LGR6: variants seen among roughly 807,000 people sequenced by gnomAD.
LGR6 encodes the protein leucine-rich repeat-containing G protein-coupled receptor 6.
In LGR6, 45 loss-of-function variants were observed where a neutral mutation model predicts 69.4. The ratio of observed to expected loss-of-function variants is 0.65; its 90% CI spans 0.51 to 0.83. The LOEUF (loss-of-function observed/expected upper bound fraction) is 0.83, where lower values mean the gene tolerates loss of function less well. LGR6 is among the 40% of genes least tolerant of loss of function. The pLI, the probability that LGR6 is intolerant of heterozygous loss-of-function variation, is 0.00. For synonymous variants in LGR6, 538 were observed against 555.0 expected, an observed-to-expected ratio of 0.97 and a Z score of 0.43; for missense variants, 1,108 against 1,246.7, an observed-to-expected ratio of 0.89 and a Z score of 1.68.
chr1:202,302,599 T>C (rs1223160062), intron 9 of LGR6, among the ~76,000 whole-genome samples: 1 of 152,036 alleles, frequency 6.6e-6, no homozygotes, highest in Non-Finnish European at 1.5e-5. Flanking sequence ...CAGGCTGGAG[T>C]GCAATAGCGC....
intron 1 of LGR6, among the ~76,000 whole-genome samples, chr1:202,204,329 A>AACACACACACCTCCAC (rs1398607537): frequency 5.6e-5 from 6 of 107,142 alleles, no homozygotes; most frequent in Admixed American, 1.0e-4. Context: ...ACCTCCTCCT[A>AACACACACACCTCCAC]ACACACACAC....
At chr1:202,217,278 T>C (rs1457870479) in intron 1 of LGR6, among the ~76,000 whole-genome samples, 2 of 152,158 alleles carry the variant, frequency 1.3e-5, no homozygotes, top group African/African-American at 2.4e-5. Flanking sequence ...AAACCATGAT[T>C]TCCCAAATCT....
chr1:202,225,471 C>T lies in LGR6; in HGVS notation c.261C>T (p.His87=), dbSNP rs1416725601. Residue 87 remains histidine, a synonymous_variant, in exon 2 of 18, where the codon CAC becomes CAT. Coordinates refer to ENST00000367278, the MANE Select transcript of LGR6 (RefSeq NM_001017403.2). ...CAGAGCTTCAGCCTGGCCTCTTCCACCACCTGCGCTTCTTGGAGGAGCTGT... is the reference window on the plus strand; with the variant it reads ...CAGAGCTTCAGCCTGGCCTCTTCCATCACCTGCGCTTCTTGGAGGAGCTGT... ...NLTELQPGLF[H]HLRFLEELRL... 3 of 1,614,022 alleles carry T rather than the reference C, an allele frequency of 1.9e-6. No homozygotes were observed. The highest frequency in any genetic ancestry group is 2.5e-6 in the Non-Finnish European group (3 of 1,179,920).
intron 1 of LGR6, chr1:202,194,488 CCT>C: frequency 1.0e-5 from 7 of 670,992 alleles, no homozygotes; most frequent in South Asian, 9.1e-5. Flanking sequence ...GGTTCTGGAC[CCT>C]GAGCGGGAGG....
intron 6 of LGR6, among the ~76,000 whole-genome samples, chr1:202,291,856 A>G (rs1025023452): frequency 2.6e-5 from 4 of 152,210 alleles, no homozygotes; most frequent in African/African-American, 7.2e-5. Context: ...AGTAATTACT[A>G]TTATCCTCTA....
chr1:202,238,024 T>C (rs1267431093), intron 4 of LGR6, among the ~76,000 whole-genome samples: 3 of 152,012 alleles, frequency 2.0e-5, no homozygotes, highest in Non-Finnish European at 2.9e-5. Context: ...TAATGTATGA[T>C]GATGTTATTG....
In LGR6 at chr1:202,305,683, G is replaced by A. The variant is rs1270782136; in HGVS notation, c.1071-1G>A. 6 of 1,613,658 alleles carry A rather than the reference G, an allele frequency of 3.7e-6. No individual in the cohort carries two copies. The highest frequency in any genetic ancestry group is 4.2e-6 in the Non-Finnish European group (5 of 1,179,948). On this transcript the variant is annotated splice_acceptor_variant, in intron 11 of 17. Transcript: ENST00000367278. LOFTEE classifies it high-confidence loss of function. The stretch of plus-strand genomic sequence containing the variant: ...AGCCCTGGCCTTTCTCTTTTCCCCA[G>A]GGAACTGTCTCACAATCAAATTGAG...
rs775057989 is a variant in LGR6, at chr1:202,304,627, T to C, written c.1067T>C (p.Val356Ala). The C allele has an allele frequency of 1.2e-6, 2 of 1,607,464 alleles. No individual in the cohort carries two copies. The highest frequency in any genetic ancestry group is 1.7e-6 in the Non-Finnish European group (2 of 1,175,184). The change falls in exon 11 of 18, where the codon GTC (valine) becomes GCC (alanine). Residue 356 changes from valine (V) to alanine (A), a missense_variant. Transcript: ENST00000367278. ...TGCCAACAGCTGCCCAGGCTCCGAGTCCTGTGAGTGCTCACAAGAATTCTA... is the reference window on the plus strand; with the variant it reads ...TGCCAACAGCTGCCCAGGCTCCGAGCCCTGTGAGTGCTCACAAGAATTCTA... ...GMCQQLPRLR[V>A]LELSHNQIEE...
At chr1:202,269,159 G>T (rs1464301155) in intron 4 of LGR6, among the ~76,000 whole-genome samples, 1 of 152,118 alleles carries the variant, frequency 6.6e-6, no homozygotes, top group Non-Finnish European at 1.5e-5. Context: ...TCCCGCCTGA[G>T]CCTCCCAAAG....
chr1:202,204,482 CACACCTCCACACACACACCTCCAA>C (rs1286260916), intron 1 of LGR6, among the ~76,000 whole-genome samples: 3 of 64,976 alleles, frequency 4.6e-5, no homozygotes, highest in South Asian at 7.2e-4. Flanking sequence ...CACCTCCAAA[CACACCTCCACACACACACCTCCAA>C]ACACACACAC....
Position 202,292,730 on chromosome 1 carries a change from G to A in LGR6, c.717-4778G>A, listed in dbSNP as rs1032387313. ...AGCACTGCCCAGTAGAACTTTCTGG[G>A]TTGACGGAAATGTTCTGCATCTGTT... On this transcript the variant is annotated intron_variant, in intron 6 of 17. Coordinates refer to ENST00000367278, the MANE Select transcript of LGR6 (RefSeq NM_001017403.2). 2.0e-5 allele frequency among the ~76,000 whole-genome samples: 3 copies of A among 152,220 alleles called. No homozygotes were observed. The East Asian group carries it at 5.8e-4, about 29-fold the overall frequency.
intron 4 of LGR6, among the ~76,000 whole-genome samples, chr1:202,250,486 A>G (rs1204745353): frequency 6.6e-6 from 1 of 151,894 alleles, no homozygotes; most frequent in South Asian, 2.1e-4. Flanking sequence ...GCTCACCGCA[A>G]CCTCTGCTTT....
chr1:202,312,532 G>A (rs1653822471), intron 16 of LGR6, among the ~76,000 whole-genome samples: 1 of 152,094 alleles, frequency 6.6e-6, no homozygotes, highest in South Asian at 2.1e-4. Context: ...TTTAAGTGAG[G>A]AGGAAGGATC....
Position 202,318,356 on chromosome 1 carries a change from A to G in LGR6, c.2053A>G (p.Ser685Gly). The change falls in exon 18 of 18, where the codon AGC becomes GGC. Residue 685 changes from serine to glycine, a missense_variant. Physicochemically the swap from Ser to Gly is moderately conservative, Grantham distance 56. Coordinates refer to ENST00000367278, the MANE Select transcript of LGR6 (RefSeq NM_001017403.2). ...RAYGKSPSLG[S>G]VRAGVLGCLA... is the part of the protein sequence containing the mutation. ...CTATGGGAAGTCCCCCTCCCTGGGC[A>G]GCGTTCGAGCAGGGGTCCTAGGCTG... 1 of 1,599,496 alleles carries G rather than the reference A, an allele frequency of 6.3e-7. No homozygotes were observed. The highest frequency in any genetic ancestry group is 8.5e-7 in the Non-Finnish European group (1 of 1,172,730).
Position 202,306,887 on chromosome 1 carries a change from A to C in LGR6, c.1156A>C (p.Ile386Leu), listed in dbSNP as rs547860011. ...LEEIGLQHNRIWEIGADTFSQ... is the reference protein window; with the variant it reads ...LEEIGLQHNRLWEIGADTFSQ... The stretch of plus-strand genomic sequence containing the variant: ...CCCTAGCGGCCTCCAACACAACCGC[A>C]TCTGGGAAATTGGAGCTGACACCTT... Residue 386 changes from isoleucine (I) to leucine (L), a missense_variant, in exon 13 of 18, where the codon ATC becomes CTC. By Grantham distance (5) the Ile-to-Leu change is conservative (BLOSUM62 2). Coordinates refer to ENST00000367278, the MANE Select transcript of LGR6 (RefSeq NM_001017403.2). 3 of 1,614,040 alleles carry C rather than the reference A, an allele frequency of 1.9e-6. No homozygotes were observed. The highest frequency in any genetic ancestry group is 4.5e-5 in the East Asian group (2 of 44,866).
chr1:202,299,887 T>C (rs1347144125), intron 7 of LGR6, among the ~76,000 whole-genome samples: 4 of 152,202 alleles, frequency 2.6e-5, no homozygotes, highest in African/African-American at 4.8e-5. Flanking sequence ...CAACATGTTA[T>C]TTATTTTGAA....
chr1:202,247,619 G>A (rs998199444), intron 4 of LGR6, among the ~76,000 whole-genome samples: 3 of 152,196 alleles, frequency 2.0e-5, no homozygotes, highest in African/African-American at 7.2e-5. Flanking sequence ...CCTTTTGGGC[G>A]ATGCAGTTGG....
intron 1 of LGR6, among the ~76,000 whole-genome samples, chr1:202,218,479 A>G (rs1263282931): frequency 6.6e-6 from 1 of 152,098 alleles, no homozygotes; most frequent in Non-Finnish European, 1.5e-5. Context: ...TTAATTTTGT[A>G]TAGGGATGAG....
intron 1 of LGR6, among the ~76,000 whole-genome samples, chr1:202,222,028 A>T (rs1660192252): frequency 6.6e-6 from 1 of 152,222 alleles, no homozygotes; most frequent in South Asian, 2.1e-4. Context: ...GTGCAGGCAC[A>T]GCCTCCCCAC....
Sources: gnomAD v4.1 joint callset for allele counts (sites outside exome capture counted in the v4.1 genomes callset) on GRCh38, gnomAD v4.1.1 for gene constraint, MANE v1.5 for transcripts, NCBI Gene and HGNC (gene_info 2026-07-23, HGNC 2026-07-21) for gene names.